NALF1: variants seen among roughly 807,000 people sequenced by gnomAD.
NALF1 encodes family with sequence similarity 155 member A.
Under a neutral mutation model 48.4 loss-of-function variants are expected in NALF1, and 3 were observed. The ratio of observed to expected loss-of-function variants is 0.06; its 90% CI spans 0.03 to 0.16. The LOEUF (loss-of-function observed/expected upper bound fraction) is 0.16, where lower values mean the gene tolerates loss of function less well. Ranked by LOEUF, NALF1 falls within the 10% of genes least tolerant of loss-of-function variation. The pLI is 1.00. For synonymous variants in NALF1, 262 were observed against 245.7 expected, an observed-to-expected ratio of 1.07 and a Z score of -0.62; for missense variants, 526 against 571.5, an observed-to-expected ratio of 0.92 and a Z score of 0.81.
chr13:107,366,194 CTGA>C (rs1290085752), intron 1 of NALF1, among the ~76,000 whole-genome samples: 1 of 152,140 alleles, frequency 6.6e-6, no homozygotes, highest in East Asian at 1.9e-4. Flanking sequence ...TTCTCTGGGA[CTGA>C]TGGTTTCTGT....
At chr13:107,494,622 C>A (rs539391294) in intron 1 of NALF1, among the ~76,000 whole-genome samples, 1 of 152,296 alleles carries the variant, frequency 6.6e-6, no homozygotes, top group African/African-American at 2.4e-5. Flanking sequence ...AACCATGAGT[C>A]TTGCAGTCTG....
At chr13:107,464,190 T>C (rs1306271487) in intron 1 of NALF1, among the ~76,000 whole-genome samples, 1 of 150,334 alleles carries the variant, frequency 6.7e-6, no homozygotes, top group Non-Finnish European at 1.5e-5. Context: ...TTTTCTCATA[T>C]GTAAAACAGA....
intron 1 of NALF1, among the ~76,000 whole-genome samples, chr13:107,652,529 A>G (rs1880473466): frequency 2.6e-5 from 4 of 152,278 alleles, no homozygotes; most frequent in African/African-American, 9.6e-5. Flanking sequence ...TTTGAGTGGC[A>G]TTATTTTGCA....
intron 2 of NALF1, among the ~76,000 whole-genome samples, chr13:107,209,316 G>A (rs1360811717): frequency 6.6e-6 from 1 of 152,106 alleles, no homozygotes; most frequent in Non-Finnish European, 1.5e-5. Flanking sequence ...AGACCAGCCT[G>A]GCCAACACGG....
intron 1 of NALF1, among the ~76,000 whole-genome samples, chr13:107,456,390 G>A (rs758818411): frequency 4.6e-5 from 7 of 152,058 alleles, no homozygotes; most frequent in African/African-American, 7.2e-5. Context: ...TTGAATCATC[G>A]TCTGTGTGAC....
intron 1 of NALF1, among the ~76,000 whole-genome samples, chr13:107,728,851 G>A (rs1293268812): frequency 6.6e-6 from 1 of 152,066 alleles, no homozygotes; most frequent in Non-Finnish European, 1.5e-5. Context: ...TCAAGTTTGA[G>A]GGCAAGATAA....
chr13:107,379,655 G>T (rs1208627096), intron 1 of NALF1, among the ~76,000 whole-genome samples: 2 of 152,104 alleles, frequency 1.3e-5, no homozygotes, highest in African/African-American at 4.8e-5. Context: ...GAGTCCTGCT[G>T]CTCAGCTGTA....
intron 1 of NALF1, among the ~76,000 whole-genome samples, chr13:107,374,519 CCCTTGAAAAG>C (rs1883302593): frequency 2.0e-5 from 3 of 152,092 alleles, no homozygotes. Flanking sequence ...AAGCAGCTTT[CCCTTGAAAAG>C]ACACATTTTA....
intron 1 of NALF1, among the ~76,000 whole-genome samples, chr13:107,336,161 G>C (rs1882551219): frequency 6.6e-6 from 1 of 151,992 alleles, no homozygotes; most frequent in South Asian, 2.1e-4. Context: ...AGACTGGCCT[G>C]GCTAACATGA....
chr13:107,683,631 G>T (rs988514870), intron 1 of NALF1, among the ~76,000 whole-genome samples: 1 of 152,172 alleles, frequency 6.6e-6, no homozygotes, highest in African/African-American at 2.4e-5. Flanking sequence ...TGGCTGCTTG[G>T]TTTTGTCCTT....
At chr13:107,766,237 C>A (rs960017505) in intron 1 of NALF1, among the ~76,000 whole-genome samples, 1 of 152,086 alleles carries the variant, frequency 6.6e-6, no homozygotes, top group Non-Finnish European at 1.5e-5. Flanking sequence ...CTGTACCATC[C>A]CCAGTGATCA....
intron 1 of NALF1, among the ~76,000 whole-genome samples, chr13:107,741,418 A>C (rs117274553): frequency 6.6e-6 from 1 of 152,298 alleles, no homozygotes; most frequent in African/African-American, 2.4e-5. Context: ...ATAAAGGATA[A>C]ATGCTTTCAT....
At chr13:107,634,615 G>A (rs1187479918) in intron 1 of NALF1, among the ~76,000 whole-genome samples, 1 of 152,076 alleles carries the variant, frequency 6.6e-6, no homozygotes, top group Non-Finnish European at 1.5e-5. Context: ...CAGACAAAAG[G>A]AGGAACACAA....
intron 1 of NALF1, among the ~76,000 whole-genome samples, chr13:107,789,352 T>C (rs939711381): frequency 6.6e-6 from 1 of 152,244 alleles, no homozygotes; most frequent in Non-Finnish European, 1.5e-5. Flanking sequence ...CTTTAAAAAG[T>C]ACTTCATTAA....
intron 1 of NALF1, among the ~76,000 whole-genome samples, chr13:107,350,312 TAA>T (rs60624755): frequency 0.18 from 28,085 of 151,990 alleles, 2,972 homozygotes; most frequent in East Asian, 0.37. Flanking sequence ...TGAGTTCCTG[TAA>T]AAAAAATTAA....
intron 1 of NALF1, among the ~76,000 whole-genome samples, chr13:107,651,584 T>G (rs1424258125): frequency 6.6e-6 from 1 of 152,196 alleles, no homozygotes; most frequent in African/African-American, 2.4e-5. Context: ...AAAACTAGCC[T>G]GTTCCACAGG....
chr13:107,542,193 T>C (rs1877017397), intron 1 of NALF1, among the ~76,000 whole-genome samples: 1 of 152,092 alleles, frequency 6.6e-6, no homozygotes, highest in Non-Finnish European at 1.5e-5. Context: ...CTGGATGAAC[T>C]TGGGAAGCAT....
chr13:107,710,888 CACAG>C (rs1875569012), intron 1 of NALF1, among the ~76,000 whole-genome samples: 1 of 150,388 alleles, frequency 6.6e-6, no homozygotes, highest in African/African-American at 2.5e-5. Flanking sequence ...CATATATACA[CACAG>C]ACACACATAT....
At chr13:107,279,545 C>G (rs111875482) in intron 1 of NALF1, among the ~76,000 whole-genome samples, 3 of 152,010 alleles carry the variant, frequency 2.0e-5, no homozygotes, top group Non-Finnish European at 4.4e-5. Flanking sequence ...CCTGAGCCAC[C>G]GCACCCGGTG....
Sources: gnomAD v4.1 joint callset for allele counts (sites outside exome capture counted in the v4.1 genomes callset) on GRCh38, gnomAD v4.1.1 for gene constraint, MANE v1.5 for transcripts, NCBI Gene and HGNC (gene_info 2026-07-23, HGNC 2026-07-21) for gene names.